Variants in CDCA7L observed in about 807,000 individuals in gnomAD.
CDCA7L encodes the protein cell division cycle associated 7 like, also known as cell division cycle-associated 7-like protein.
A neutral mutation model predicts 57.4 loss-of-function variants in CDCA7L; 44 were observed. The observed-to-expected ratio is 0.77, with a 90% CI of 0.60 to 0.98. CDCA7L has a LOEUF of 0.98. CDCA7L is among the 50% of genes least tolerant of loss of function. The pLI is 0.00. For synonymous variants in CDCA7L, 236 were observed against 202.8 expected, an observed-to-expected ratio of 1.16 and a Z score of -1.39; for missense variants, 644 against 580.6, an observed-to-expected ratio of 1.11 and a Z score of -1.12.
chr7:21,904,726 C>A (rs1245467052), intron 7 of CDCA7L, among the ~76,000 whole-genome samples: 1 of 152,176 alleles, frequency 6.6e-6, no homozygotes, highest in Non-Finnish European at 1.5e-5. Context: ...CAAAACCAGT[C>A]CCTGGTGCCA....
chr7:21,908,062 T>C, intron 4 of CDCA7L, 68 bp downstream of exon 4: 1 of 1,481,204 alleles, frequency 6.8e-7, no homozygotes, highest in South Asian at 1.4e-5. Context: ...GCAAAGTGGT[T>C]CTGGGAGCCC....
At chr7:21,930,630 G>A (rs1371593721) in intron 1 of CDCA7L, among the ~76,000 whole-genome samples, 11 of 149,996 alleles carry the variant, frequency 7.3e-5, no homozygotes, top group Admixed American at 1.3e-4. Context: ...CCTGGGAGGC[G>A]GAGGTTGCAG....
At chr7:21,927,614 G>A (rs940396229) in intron 1 of CDCA7L, among the ~76,000 whole-genome samples, 3 of 152,132 alleles carry the variant, frequency 2.0e-5, no homozygotes, top group East Asian at 1.9e-4. Context: ...TATTTGATAC[G>A]ACAGTGGATG....
chr7:21,902,358 A>AAAAAGATGAGAAGTATTTGG lies in CDCA7L; in HGVS notation c.1335-26_1335-7dup, dbSNP rs780768886. ...CTACCAGCTCCTTTTGTAAGCTGGG[A>AAAAAGATGAGAAGTATTTGG]AAAAGATGAGAAGTATTTGGTAAAG... is the stretch of plus-strand genomic sequence containing the variant. On this transcript the variant is annotated splice_polypyrimidine_tract_variant and splice_region_variant and intron_variant, in intron 9 of 9. Coordinates refer to ENST00000406877, the MANE Select transcript of CDCA7L (RefSeq NM_018719.5). 1 of 1,613,124 alleles carries AAAAAGATGAGAAGTATTTGG rather than the reference A, an allele frequency of 6.2e-7. No individual in the cohort carries two copies. Among genetic ancestry groups the AAAAAGATGAGAAGTATTTGG allele is most frequent in the East Asian group, 2.2e-5 (1 of 44,872 alleles).
chr7:21,905,610 G>A lies in CDCA7L; in HGVS notation c.943C>T (p.Arg315Ter), dbSNP rs768995761. 1.2e-5 allele frequency: 20 copies of A among 1,613,708 alleles called. No homozygotes were observed. Among genetic ancestry groups the A allele is most frequent in the Admixed American group, 1.7e-5 (1 of 59,976 alleles). Residue 315 changes from arginine to a stop codon, truncating the protein, a stop_gained, in exon 7 of 10, where the codon CGA (arginine) becomes TGA (stop). Transcript: ENST00000406877. LOFTEE classifies it high-confidence loss of function. ...TIGGKCREYR[R>*]RHRISSFRPV... ...CGAAAAGAAGATATACGGTGACGTC[G>A]TCTGTACTCCCGGCATTTCCCCTGC...
Position 21,917,002 on chromosome 7 carries a change from G to C in CDCA7L, c.25-108C>G, listed in dbSNP as rs920675454. On this transcript the variant is annotated intron_variant, in intron 1 of 9. Transcript: ENST00000406877. The stretch of plus-strand genomic sequence containing the variant: ...TCTCATCACTTCATCCAACTGCCAC[G>C]GTTGCCCAGAAGTCCCCAGTAACCC... 14 of 1,335,092 alleles carry C rather than the reference G, an allele frequency of 1.0e-5. No homozygotes were observed. In the African/African-American group the frequency reaches 1.7e-4, roughly 17 times the overall value. 82.7% of individuals were successfully genotyped at this position (1,335,092 alleles called of 1,614,324 possible).
In CDCA7L at chr7:21,903,100, G is replaced by A. The variant is rs761672612; in HGVS notation, c.1212C>T (p.Pro404=). 4 of 1,613,746 alleles carry A rather than the reference G, an allele frequency of 2.5e-6. No individual in the cohort carries two copies. The highest frequency in any genetic ancestry group is 2.2e-5 in the South Asian group (2 of 91,020). The change falls in exon 9 of 10, where the codon CCC becomes CCT. Residue 404 remains proline, a synonymous_variant. Coordinates refer to ENST00000406877, the MANE Select transcript of CDCA7L (RefSeq NM_018719.5). ...SALLDPDWVC[P]PCRGICNCSY... is the part of the protein sequence containing the mutation. ...TGCAATTGCAGATCCCACGACAGGG[G>A]GGACACACCCAATCCTAACAGAGAG...
At chr7:21,937,627 G>C (rs1220703839) in intron 1 of CDCA7L, among the ~76,000 whole-genome samples, 2 of 148,312 alleles carry the variant, frequency 1.3e-5, no homozygotes, top group Non-Finnish European at 3.0e-5. Flanking sequence ...GACAGAACAA[G>C]ACTCCATCCC....
chr7:21,906,446 GTCT>G lies in CDCA7L; in HGVS notation c.761_763del (p.Lys254del), dbSNP rs751561480. 9 of 1,610,142 alleles carry G rather than the reference GTCT, an allele frequency of 5.6e-6. No individual in the cohort carries two copies. The highest frequency in any genetic ancestry group is 1.1e-5 in the South Asian group (1 of 90,872). On this transcript the variant is annotated inframe_deletion, in exon 6 of 10. Coordinates refer to ENST00000406877, the MANE Select transcript of CDCA7L (RefSeq NM_018719.5). ...TCCCTCCGAGAAGGCCCGCCTCACT[GTCT>G]TCTTCCTCTGAAATCAAGAGCACAG...
intron 6 of CDCA7L, 116 bp from the exon 7 acceptor site, chr7:21,905,747 A>G (rs916817672): frequency 5.2e-6 from 6 of 1,147,304 alleles, no homozygotes; most frequent in Non-Finnish European, 5.9e-6. Flanking sequence ...TCCCTCTTCT[A>G]TTTCCCTGCA....
chr7:21,914,510 CG>C (rs1210984919), intron 2 of CDCA7L, among the ~76,000 whole-genome samples: 2 of 152,058 alleles, frequency 1.3e-5, no homozygotes, highest in Non-Finnish European at 2.9e-5. Flanking sequence ...ATGTGAGCCA[CG>C]GTAGAGGCTA....
chr7:21,903,223 A>ACATGGCATCTTTCAGTCTACGTCC, intron 8 of CDCA7L, 109 bp from the exon 9 acceptor site: 1 of 1,031,748 alleles, frequency 9.7e-7, no homozygotes, highest in Non-Finnish European at 1.4e-6. Flanking sequence ...ACCTTTAATC[A>ACATGGCATCTTTCAGTCTACGTCC]CATGGCATCT....
intron 1 of CDCA7L, among the ~76,000 whole-genome samples, chr7:21,918,562 T>G (rs1463842788): frequency 6.6e-6 from 1 of 152,260 alleles, no homozygotes; most frequent in Non-Finnish European, 1.5e-5. Flanking sequence ...CTGGGTCACT[T>G]GACTGTGGAG....
intron 2 of CDCA7L, among the ~76,000 whole-genome samples, chr7:21,915,568 C>T (rs757759191): frequency 1.8e-4 from 26 of 145,534 alleles, no homozygotes; most frequent in Non-Finnish European, 2.4e-4. Flanking sequence ...GAGGCCAAGG[C>T]GGGCAGATCA....
rs1784923526 is a variant in CDCA7L, at chr7:21,902,253, G to A, written c.*69C>T. 5.8e-6 allele frequency: 8 copies of A among 1,368,478 alleles called. No homozygotes were observed. Among genetic ancestry groups the A allele is most frequent in the South Asian group, 2.4e-5 (2 of 83,660 alleles). The allele number at this position is 1,368,478 out of a possible 1,614,324, so 84.8% of individuals were successfully genotyped here. ...CACAACTGTAAAAAAATCTTTCTTA[G>A]GCACCAATGGTATGCATGTCTTGTT... On this transcript the variant is annotated 3_prime_UTR_variant, in exon 10 of 10. Transcript: ENST00000406877.
At position 21,904,851 on chromosome 7, in the gene CDCA7L, G is replaced by A. The variant is rs542364752; in HGVS notation, c.1048-592C>T. On this transcript the variant is annotated intron_variant, in intron 7 of 9. Coordinates refer to ENST00000406877, the MANE Select transcript of CDCA7L (RefSeq NM_018719.5). ...CCAGAAGGAATGAAATGATCAGGCT[G>A]TCAGGAAGAGAGACCAGAGAAAAGC... Among the ~76,000 whole-genome samples, 5 of 152,300 alleles carry A rather than the reference G, an allele frequency of 3.3e-5. No individual in the cohort carries two copies. In the South Asian group the frequency reaches 6.2e-4, roughly 19 times the overall value.
intron 1 of CDCA7L, among the ~76,000 whole-genome samples, chr7:21,918,856 A>G (rs1785571553): frequency 6.6e-6 from 1 of 152,242 alleles, no homozygotes; most frequent in Admixed American, 6.5e-5. Flanking sequence ...AACAATAACA[A>G]CAACAAAAAA....
chr7:21,902,670 C>T, intron 9 of CDCA7L: 2 of 491,300 alleles, frequency 4.1e-6, no homozygotes, highest in Non-Finnish European at 3.6e-6. Context: ...TCTTCATAAT[C>T]TGTGTCTTTC....
intron 1 of CDCA7L, among the ~76,000 whole-genome samples, chr7:21,931,475 A>C (rs1786014179): frequency 6.6e-6 from 1 of 152,230 alleles, no homozygotes; most frequent in Non-Finnish European, 1.5e-5. Context: ...GGTTCAATAT[A>C]TGCAAATCAA....
Sources: gnomAD v4.1 joint callset for allele counts (sites outside exome capture counted in the v4.1 genomes callset) on GRCh38, gnomAD v4.1.1 for gene constraint, MANE v1.5 for transcripts, NCBI Gene and HGNC (gene_info 2026-07-23, HGNC 2026-07-21) for gene names.